TIAM1: variants seen among roughly 807,000 people sequenced by gnomAD.
TIAM1 encodes the protein TIAM Rac1 associated GEF 1, also known as rho guanine nucleotide exchange factor TIAM1.
A neutral mutation model predicts 163.5 loss-of-function variants in TIAM1; 65 were observed. The observed-to-expected ratio is 0.40, with a 90% CI of 0.33 to 0.49. The LOEUF (loss-of-function observed/expected upper bound fraction) is 0.49. Ranked by LOEUF, TIAM1 falls within the 20% of genes least tolerant of loss-of-function variation. The pLI is 0.77. For missense variants in TIAM1, 1,789 were observed against 2,044.7 expected (o/e 0.87, Z 2.41); for synonymous variants, 833 against 810.1 (o/e 1.03, Z -0.48).
intron 1 of TIAM1, among the ~76,000 whole-genome samples, chr21:31,509,398 C>A (rs990433637): frequency 6.6e-6 from 1 of 152,184 alleles, no homozygotes; most frequent in Non-Finnish European, 1.5e-5. Context: ...CCCCCAGGAC[C>A]CACTCAAGGG....
At chr21:31,483,215 C>T (rs1418959717) in intron 1 of TIAM1, among the ~76,000 whole-genome samples, 1 of 152,186 alleles carries the variant, frequency 6.6e-6, no homozygotes, top group East Asian at 1.9e-4. Flanking sequence ...GCAAATGGTG[C>T]TGCAGTCCCC....
At chr21:31,210,592 A>AAGAAAGAG (rs1162520566) in intron 10 of TIAM1, among the ~76,000 whole-genome samples, 11 of 88,746 alleles carry the variant, frequency 1.2e-4, no homozygotes, top group South Asian at 7.5e-4. Context: ...GAAAGAAAGA[A>AAGAAAGAG]AGAGAGAAAG....
intron 1 of TIAM1, among the ~76,000 whole-genome samples, chr21:31,498,516 C>T (rs1037970581): frequency 6.6e-6 from 1 of 152,198 alleles, no homozygotes; most frequent in Non-Finnish European, 1.5e-5. Context: ...GACCCAGTCT[C>T]TAGTGCTTTG....
chr21:31,352,397 A>G (rs1187036684), intron 2 of TIAM1, among the ~76,000 whole-genome samples: 3 of 152,190 alleles, frequency 2.0e-5, no homozygotes, highest in Non-Finnish European at 4.4e-5. Context: ...ATGGTTGTAC[A>G]ACATTGTGAA....
intron 1 of TIAM1, among the ~76,000 whole-genome samples, chr21:31,473,009 G>C (rs11088173): frequency 0.084 from 12,710 of 152,148 alleles, 570 homozygotes; most frequent in Admixed American, 0.1. Flanking sequence ...ACCTGACCCT[G>C]GTACCAAAGA....
intron 1 of TIAM1, among the ~76,000 whole-genome samples, chr21:31,502,101 G>A (rs1212893945): frequency 1.3e-5 from 2 of 152,004 alleles, no homozygotes; most frequent in Non-Finnish European, 2.9e-5. Flanking sequence ...CCAGTGTCAA[G>A]GAATTCAACT....
rs576947202 is a variant in TIAM1 at position 31,398,041 on chromosome 21, G to T, written c.-368-58619C>A. Among the ~76,000 whole-genome samples the T allele has an allele frequency of 2.6e-5, 4 of 151,410 alleles. No homozygotes were observed. In the East Asian group the frequency reaches 7.8e-4, roughly 30 times the overall value. On this transcript the variant is annotated intron_variant, in intron 2 of 28. Transcript: ENST00000286827. ...TGGGATGTACATGGACCAATGTGTT[G>T]GCTTCCCTTTGACCTCCCCCCTACA...
At chr21:31,425,810 C>T (rs1288804070) in intron 2 of TIAM1, among the ~76,000 whole-genome samples, 2 of 152,010 alleles carry the variant, frequency 1.3e-5, no homozygotes, top group Non-Finnish European at 2.9e-5. Context: ...AATTCTCCTG[C>T]CTCATCTTCC....
chr21:31,304,718 T>A (rs368979055), intron 2 of TIAM1, among the ~76,000 whole-genome samples: 1 of 152,192 alleles, frequency 6.6e-6, no homozygotes, highest in Admixed American at 6.5e-5. Context: ...TCTCACTCTA[T>A]CGCCCAGGCT....
intron 1 of TIAM1, among the ~76,000 whole-genome samples, chr21:31,526,033 CAAA>C (rs10706618): frequency 2.6e-4 from 28 of 107,650 alleles, no homozygotes; most frequent in Admixed American, 3.9e-4. Context: ...GACTCCATCT[CAAA>C]AAAAAAAAAA....
chr21:31,227,606 G>A (rs529585179), intron 6 of TIAM1, among the ~76,000 whole-genome samples: 136 of 151,118 alleles, frequency 9.0e-4, no homozygotes, highest in African/African-American at 3.2e-3. Flanking sequence ...GAGGAGAGGC[G>A]ATAAAGAAAC....
chr21:31,552,048 CTTTTTTTT>C (rs200300720), intron 1 of TIAM1, among the ~76,000 whole-genome samples: 4 of 80,116 alleles, frequency 5.0e-5, no homozygotes, highest in Admixed American at 3.1e-4. Context: ...CTCTGCACTA[CTTTTTTTT>C]TTTTTTTTTT....
intron 10 of TIAM1, among the ~76,000 whole-genome samples, chr21:31,210,814 G>GAAAGAAA (rs147674572): frequency 2.1e-4 from 31 of 147,670 alleles, no homozygotes; most frequent in South Asian, 8.5e-4. Context: ...AAGAAAGAAA[G>GAAAGAAA]GTCACCATTC....
chr21:31,188,555 C>CAT (rs1331015090), intron 13 of TIAM1, among the ~76,000 whole-genome samples: 5 of 152,150 alleles, frequency 3.3e-5, no homozygotes, highest in African/African-American at 1.2e-4. Context: ...CATTCTACTA[C>CAT]ATTCTGAGAC....
chr21:31,255,533 G>A (rs2072050383), intron 4 of TIAM1, among the ~76,000 whole-genome samples: 1 of 152,098 alleles, frequency 6.6e-6, no homozygotes, highest in African/African-American at 2.4e-5. Flanking sequence ...TGAGAATCCT[G>A]ATCCTCCCCC....
Position 31,152,727 on chromosome 21 carries a change from A to G in TIAM1, c.3275T>C (p.Val1092Ala), listed in dbSNP as rs1323042874. The G allele has an allele frequency of 6.2e-7, 1 of 1,614,050 alleles. No individual in the cohort carries two copies. The highest frequency in any genetic ancestry group is 8.5e-7 in the Non-Finnish European group (1 of 1,180,014). ...DVLFGNLTEM[V>A]EFQVEFLKTL... is the part of the protein sequence containing the mutation. ...TTTAAGGAATTCTACTTGAAACTCTACCATTTCCGTTAAATTTCCAAAAAG... is the reference window on the plus strand; with the variant it reads ...TTTAAGGAATTCTACTTGAAACTCTGCCATTTCCGTTAAATTTCCAAAAAG... The change falls in exon 19 of 28, where the codon GTA (valine) becomes GCA (alanine). Residue 1092 changes from valine to alanine, a missense_variant. Coordinates refer to ENST00000541036, the MANE Select transcript of TIAM1 (RefSeq NM_001353694.2).
intron 2 of TIAM1, among the ~76,000 whole-genome samples, chr21:31,323,245 G>A (rs1219921149): frequency 1.3e-5 from 2 of 150,384 alleles, no homozygotes; most frequent in East Asian, 2.0e-4. Context: ...CCAAGATCAC[G>A]CCACTGTACT....
At chr21:31,385,305 T>C (rs892592624) in intron 2 of TIAM1, among the ~76,000 whole-genome samples, 2 of 152,140 alleles carry the variant, frequency 1.3e-5, no homozygotes, top group Non-Finnish European at 2.9e-5. Context: ...GTGTTCTTTA[T>C]AGATAGATAG....
At chr21:31,166,284 G>A (rs535224351) in intron 15 of TIAM1, among the ~76,000 whole-genome samples, 3 of 152,246 alleles carry the variant, frequency 2.0e-5, no homozygotes, top group African/African-American at 4.8e-5. Context: ...ACTGGATCAC[G>A]GACTAGAGCA....
Sources: gnomAD v4.1 joint callset for allele counts (sites outside exome capture counted in the v4.1 genomes callset) on GRCh38, gnomAD v4.1.1 for gene constraint, MANE v1.5 for transcripts, NCBI Gene and HGNC (gene_info 2026-07-23, HGNC 2026-07-21) for gene names.